Variants in PLAT observed in about 807,000 individuals in gnomAD.
PLAT encodes tissue-type plasminogen activator.
A neutral mutation model predicts 74.9 loss-of-function variants in PLAT; 48 were observed. That is an observed-to-expected ratio of 0.64 (90% CI 0.51 to 0.82). The LOEUF (loss-of-function observed/expected upper bound fraction) is 0.82, where lower values mean the gene tolerates loss of function less well. Among genes scored for constraint, PLAT ranks in the 40% least tolerant of loss-of-function variants. The probability of loss-of-function intolerance (pLI) is 0.00; values close to 1 mark genes in which losing one functional copy is unlikely to be tolerated. For missense variants in PLAT, 673 were observed against 736.2 expected, an observed-to-expected ratio of 0.91 and a Z score of 0.99; for synonymous variants, 307 against 294.4, an observed-to-expected ratio of 1.04 and a Z score of -0.44.
rs1233670631 is a variant in PLAT, at chr8:42,180,646, C to G, written c.929G>C (p.Arg310Pro). The change falls in exon 10 of 14, where the codon CGC becomes CCC. Residue 310 changes from arginine to proline, a missense_variant. Transcript: ENST00000220809. ...GTCGGCGAAGAGCCCTCCTTTGATG[C>G]GAAACTGAGGCTGGCTGTACTGTCT... ...GLRQYSQPQF[R>P]IKGGLFADIA... The G allele has an allele frequency of 1.2e-6, 2 of 1,602,188 alleles. No individual in the cohort carries two copies. The highest frequency in any genetic ancestry group is 1.7e-6 in the Non-Finnish European group (2 of 1,173,282).
intron 9 of PLAT, 171 bp from the exon 10 acceptor site, chr8:42,180,856 G>A: frequency 5.3e-6 from 3 of 564,922 alleles, no homozygotes; most frequent in Non-Finnish European, 9.1e-6. Flanking sequence ...ATAAGTTTCA[G>A]GAGGCGGAGA....
Position 42,194,841 on chromosome 8 carries a change from T to A in PLAT, c.-26-1630A>T, listed in dbSNP as rs533670922. 1.6e-4 allele frequency among the ~76,000 whole-genome samples: 21 copies of A among 131,276 alleles called. No individual in the cohort carries two copies. The East Asian group carries it at 5.4e-3, about 34-fold the overall frequency. The allele number at this position is 131,276 out of a possible 152,430, so 86.1% of individuals were successfully genotyped here. ...AACATCTGTCTCCTTTTTCATAGAC[T>A]GCAGCAGATCCGGCAATGTGCATAT... is the stretch of plus-strand genomic sequence containing the variant. On this transcript the variant is annotated intron_variant, in intron 1 of 13. Transcript: ENST00000220809.
chr8:42,180,685 G>T lies in PLAT; in HGVS notation c.890C>A (p.Ser297Tyr), dbSNP rs769849744. The change falls in exon 10 of 14, where the codon TCC becomes TAC. Residue 297 changes from serine (S) to tyrosine (Y), a missense_variant and splice_region_variant. Coordinates refer to ENST00000220809, the MANE Select transcript of PLAT (RefSeq NM_000930.5). ...TWEYCDVPSC[S>Y]TCGLRQYSQP... ...GCTGTACTGTCTCAGGCCGCAGGTG[G>T]CTGGGGAGGAAAGGACGAGGAGGCA... 3 of 1,559,146 alleles carry T rather than the reference G, an allele frequency of 1.9e-6. No individual in the cohort carries two copies. The highest frequency in any genetic ancestry group is 2.6e-6 in the Non-Finnish European group (3 of 1,151,474).
intron 9 of PLAT, 187 bp from the exon 10 acceptor site, chr8:42,180,872 T>A: frequency 1.9e-6 from 1 of 535,320 alleles, no homozygotes; most frequent in South Asian, 2.9e-5. Context: ...GGAGACGTTT[T>A]TGCCCAAGGT....
At position 42,203,882 on chromosome 8, in the gene PLAT, T is replaced by C. The variant is rs139239482; in HGVS notation, c.-27+3612A>G. 2.0e-3 allele frequency among the ~76,000 whole-genome samples: 296 copies of C among 151,512 alleles called. 3 individuals are homozygous for C. Among genetic ancestry groups the C allele is most frequent in the African/African-American group, 7.0e-3 (287 of 41,090 alleles). On this transcript the variant is annotated intron_variant, in intron 1 of 13. Transcript: ENST00000220809. Reference sequence around the variant, plus strand: ...TTGGGAGGCTGAGATGGAGGATCACTTGAGCCCAGGAGTTTGAAGGTTCAG... The same window carrying C: ...TTGGGAGGCTGAGATGGAGGATCACCTGAGCCCAGGAGTTTGAAGGTTCAG...
At position 42,182,857 on chromosome 8, in the gene PLAT, G is replaced by A; in HGVS notation, c.665C>T (p.Ala222Val). 6.2e-7 allele frequency: 1 copy of A among 1,611,892 alleles called. No homozygotes were observed. The highest frequency in any genetic ancestry group is 2.2e-5 in the East Asian group (1 of 44,866). ...NSDCYFGNGS[A>V]YRGTHSLTES... Reference sequence around the variant, plus strand: ...GGTGAGGCTGTGCGTGCCACGGTAGGCTGACCCATTCCCAAAGTAGCAGTC... The same window carrying A: ...GGTGAGGCTGTGCGTGCCACGGTAGACTGACCCATTCCCAAAGTAGCAGTC... The change falls in exon 8 of 14, where the codon GCC becomes GTC. Residue 222 changes from alanine (A) to valine (V), a missense_variant. By Grantham distance (64) the Ala-to-Val change is moderately conservative. Coordinates refer to ENST00000220809, the MANE Select transcript of PLAT (RefSeq NM_000930.5).
chr8:42,195,213 C>T lies in PLAT; in HGVS notation c.-26-2002G>A, dbSNP rs184271530. Among the ~76,000 whole-genome samples, 257 of 146,400 alleles carry T rather than the reference C, an allele frequency of 1.8e-3. 4 individuals are homozygous for T. The East Asian group carries it at 0.045, about 26-fold the overall frequency. Reference sequence around the variant, plus strand: ...TCCGGCTCTGGATCTTTGATTGTTACTTCGAAACGAACTCCCCCGTGGGAG... The same window carrying T: ...TCCGGCTCTGGATCTTTGATTGTTATTTCGAAACGAACTCCCCCGTGGGAG... On this transcript the variant is annotated intron_variant, in intron 1 of 13. Coordinates refer to ENST00000220809, the MANE Select transcript of PLAT (RefSeq NM_000930.5).
At chr8:42,179,870 G>T in intron 12 of PLAT, 56 bp downstream of exon 12, 1 of 1,475,776 alleles carries the variant, frequency 6.8e-7, no homozygotes, top group Non-Finnish European at 9.1e-7. Context: ...CTGGTGGACC[G>T]CAGCCTCCCC....
At chr8:42,187,224 A>G in intron 6 of PLAT, 174 bp downstream of exon 6, 1 of 514,372 alleles carries the variant, frequency 1.9e-6, no homozygotes, top group Non-Finnish European at 3.4e-6. Flanking sequence ...ATCATCTATC[A>G]TCTATCAATC....
At position 42,185,063 on chromosome 8, in the gene PLAT, G is replaced by A. The variant is rs376133045; in HGVS notation, c.631+18C>T. 22 of 1,550,238 alleles carry A rather than the reference G, an allele frequency of 1.4e-5. No individual in the cohort carries two copies. The highest frequency in any genetic ancestry group is 1.7e-4 in the Middle Eastern group (1 of 5,786). ...CCCCCAGGGACATTCAGGGAAAGGC[G>A]GGGTGGCTGCCACTTACCCTCAGAG... On this transcript the variant is annotated intron_variant, in intron 7 of 13. Coordinates refer to ENST00000220809, the MANE Select transcript of PLAT (RefSeq NM_000930.5).
rs147681364 is a variant in PLAT, at chr8:42,185,849, T to G, written c.540-677A>C. ...AGGAAATTGTCCTAGATAATGTAGTTGGGCCTCGTCCAATCACTTAAAGGC... is the reference window on the plus strand; with the variant it reads ...AGGAAATTGTCCTAGATAATGTAGTGGGGCCTCGTCCAATCACTTAAAGGC... On this transcript the variant is annotated intron_variant, in intron 6 of 13. Transcript: ENST00000220809. 5 of 152,354 alleles carry G rather than the reference T, an allele frequency of 3.3e-5. No individual in the cohort carries two copies. In the East Asian group the frequency reaches 9.6e-4, roughly 29 times the overall value. The allele number at this position is 152,354 out of a possible 1,614,324, so 9.4% of individuals were successfully genotyped here. A position where few individuals can be genotyped will look rare whatever the true frequency, so the allele number is the denominator to read the frequency against.
chr8:42,178,085 T>G (rs998777011), intron 13 of PLAT, among the ~76,000 whole-genome samples: 1 of 152,210 alleles, frequency 6.6e-6, no homozygotes, highest in Non-Finnish European at 1.5e-5. Flanking sequence ...CTGATAAGGA[T>G]GCCCACACAA....
chr8:42,195,382 G>C (rs989399910), intron 1 of PLAT, among the ~76,000 whole-genome samples: 3 of 152,208 alleles, frequency 2.0e-5, no homozygotes, highest in Non-Finnish European at 4.4e-5. Context: ...AGAAAACACA[G>C]CTCAGAGGGA....
chr8:42,181,238 C>T (rs1805228456), intron 9 of PLAT, among the ~76,000 whole-genome samples: 1 of 152,264 alleles, frequency 6.6e-6, no homozygotes, highest in African/African-American at 2.4e-5. Flanking sequence ...CCTTGGGGAA[C>T]ATTCTGGCTG....
At chr8:42,199,260 G>A (rs1479802544) in intron 1 of PLAT, among the ~76,000 whole-genome samples, 1 of 152,210 alleles carries the variant, frequency 6.6e-6, no homozygotes, top group Non-Finnish European at 1.5e-5. Flanking sequence ...GAGAAGAGAG[G>A]AAGAGTCTGT....
At chr8:42,198,083 A>C (rs1805984167) in intron 1 of PLAT, among the ~76,000 whole-genome samples, 1 of 152,222 alleles carries the variant, frequency 6.6e-6, no homozygotes. Context: ...CTGTAACCCC[A>C]GCACTTTGGG....
At position 42,187,575 on chromosome 8, in the gene PLAT, G is replaced by C. The variant is rs1174453115; in HGVS notation, c.365-3C>G. On this transcript the variant is annotated splice_region_variant and splice_polypyrimidine_tract_variant and intron_variant, in intron 5 of 13. Transcript: ENST00000220809. The stretch of plus-strand genomic sequence containing the variant: ...CTCGTAGCACGTGGCCCTGGTATCT[G>C]ACAGAGAGCAGGGCATGGATGCCTC... 1.9e-6 allele frequency: 3 copies of C among 1,589,036 alleles called. No individual in the cohort carries two copies. The highest frequency in any genetic ancestry group is 1.7e-5 in the Admixed American group (1 of 59,026).
At chr8:42,202,072 T>C (rs186530264) in intron 1 of PLAT, among the ~76,000 whole-genome samples, 1 of 152,216 alleles carries the variant, frequency 6.6e-6, no homozygotes, top group Non-Finnish European at 1.5e-5. Context: ...CAGACTGGAG[T>C]GCAGTGGCGT....
intron 1 of PLAT, among the ~76,000 whole-genome samples, chr8:42,205,872 A>G (rs901654698): frequency 6.6e-6 from 1 of 152,232 alleles, no homozygotes; most frequent in Non-Finnish European, 1.5e-5. Context: ...AAATTGACAG[A>G]CCTGTCTCAG....
Sources: allele counts gnomAD v4.1 joint callset (sites outside exome capture counted in the v4.1 genomes callset), GRCh38; gene constraint gnomAD v4.1.1; transcripts MANE v1.5; gene names NCBI Gene and HGNC (gene_info 2026-07-23, HGNC 2026-07-21).